PALM2AKAP2: variants seen among roughly 807,000 people sequenced by gnomAD.
PALM2AKAP2 encodes PALM2-AKAP2 fusion protein.
PALM2AKAP2 carries 37 observed loss-of-function variants against 71.5 expected under a neutral mutation model. The observed-to-expected ratio is 0.52, with a 90% CI of 0.40 to 0.68. The LOEUF (loss-of-function observed/expected upper bound fraction) is 0.68, where lower values mean the gene tolerates loss of function less well. Ranked by LOEUF, PALM2AKAP2 falls within the 30% of genes least tolerant of loss-of-function variation. The pLI, the probability that PALM2AKAP2 is intolerant of heterozygous loss-of-function variation, is 0.00. For synonymous variants in PALM2AKAP2, 468 were observed against 478.8 expected, an observed-to-expected ratio of 0.98 and a Z score of 0.29; for missense variants, 1,224 against 1,191.8, an observed-to-expected ratio of 1.03 and a Z score of -0.40.
intron 1 of PALM2AKAP2, among the ~76,000 whole-genome samples, chr9:110,093,689 C>G (rs1564300964): frequency 6.6e-6 from 1 of 152,126 alleles, no homozygotes; most frequent in Non-Finnish European, 1.5e-5. Flanking sequence ...GCTCATCTCC[C>G]CTGCTGCTGC....
intron 1 of PALM2AKAP2, among the ~76,000 whole-genome samples, chr9:109,671,769 T>C (rs1397822772): frequency 6.6e-6 from 1 of 152,208 alleles, no homozygotes; most frequent in Non-Finnish European, 1.5e-5. Flanking sequence ...TCTGATTTCT[T>C]TGAGCAGTGT....
At chr9:109,757,701 C>G (rs2149001) in intron 1 of PALM2AKAP2, among the ~76,000 whole-genome samples, 123,391 of 151,838 alleles carry the variant, frequency 0.81, 50,225 homozygotes, top group Middle Eastern at 0.9. Flanking sequence ...AGGTCTTCGA[C>G]AGCTTACTAG....
At chr9:110,149,679 C>T (rs1015621355) in intron 2 of PALM2AKAP2, among the ~76,000 whole-genome samples, 1 of 152,164 alleles carries the variant, frequency 6.6e-6, no homozygotes, top group African/African-American at 2.4e-5. Flanking sequence ...TAGCCAGGCA[C>T]AGTGGCTCAT....
intron 1 of PALM2AKAP2, among the ~76,000 whole-genome samples, chr9:109,656,155 A>G (rs913851456): frequency 1.3e-5 from 2 of 152,188 alleles, no homozygotes; most frequent in African/African-American, 4.8e-5. Flanking sequence ...GGTATGGGCA[A>G]CCTCATGTAA....
At chr9:110,024,505 T>A (rs1833137184) in intron 7 of PALM2AKAP2, among the ~76,000 whole-genome samples, 2 of 152,198 alleles carry the variant, frequency 1.3e-5, no homozygotes, top group African/African-American at 4.8e-5. Flanking sequence ...TATGCCAGGC[T>A]GGGCATGGTG....
chr9:109,905,127 G>T (rs1233209088), intron 3 of PALM2AKAP2, among the ~76,000 whole-genome samples: 5 of 152,212 alleles, frequency 3.3e-5, no homozygotes, highest in African/African-American at 7.2e-5. Flanking sequence ...TTGTAAAATA[G>T]AATTAGGGCT....
At chr9:109,826,676 G>A (rs1421242118) in intron 1 of PALM2AKAP2, among the ~76,000 whole-genome samples, 2 of 152,176 alleles carry the variant, frequency 1.3e-5, no homozygotes, top group East Asian at 3.8e-4. Flanking sequence ...AGCAAAGGGG[G>A]AATGAGGAGA....
intron 1 of PALM2AKAP2, among the ~76,000 whole-genome samples, chr9:110,090,693 T>G (rs972416341): frequency 2.6e-5 from 4 of 152,202 alleles, no homozygotes; most frequent in Non-Finnish European, 5.9e-5. Context: ...CTGATCTGCT[T>G]CAAGTTCTAA....
chr9:110,048,507 T>G, upstream of PALM2AKAP2: 1 of 564,346 alleles, frequency 1.8e-6, no homozygotes, highest in South Asian at 2.2e-5. Context: ...TTTCTTCGTT[T>G]GTGCATCGAT....
rs1472268250 is a variant in PALM2AKAP2, at chr9:109,962,057, G to A, written c.496+30029G>A. ...GGAGAGAGGAGCATGACTTGAAGTC[G>A]TTTGCAAATGTATGTTCATCCAACA... On this transcript the variant is annotated intron_variant, in intron 6 of 9. Coordinates refer to the PALM2AKAP2 transcript ENST00000302798. Among the ~76,000 whole-genome samples the A allele has an allele frequency of 5.9e-5, 9 of 152,178 alleles. No individual in the cohort carries two copies. In the South Asian group the frequency reaches 1.2e-3, roughly 21 times the overall value.
At chr9:109,994,531 C>T (rs577913599) in intron 6 of PALM2AKAP2, among the ~76,000 whole-genome samples, 3 of 152,138 alleles carry the variant, frequency 2.0e-5, no homozygotes, top group Non-Finnish European at 4.4e-5. Context: ...GCACATTTAG[C>T]CCCACAGCAG....
chr9:109,699,839 G>T (rs1828027149), intron 1 of PALM2AKAP2, among the ~76,000 whole-genome samples: 1 of 150,370 alleles, frequency 6.7e-6, no homozygotes, highest in East Asian at 2.0e-4. Flanking sequence ...CAGTGGGCAT[G>T]ATCTCGGCTC....
In PALM2AKAP2 at chr9:109,961,853, A is replaced by G. The variant is rs533743369; in HGVS notation, c.496+29825A>G. On this transcript the variant is annotated intron_variant, in intron 6 of 9. Transcript: ENST00000302798. ...TTCTTCACCATTTTTGATCAGTTTC[A>G]TATTCCTGTGGGTACTAATGAAAAG... is the stretch of plus-strand genomic sequence containing the variant. Among the ~76,000 whole-genome samples the G allele has an allele frequency of 2.6e-5, 4 of 152,282 alleles. No homozygotes were observed. The East Asian group carries it at 7.7e-4, about 29-fold the overall frequency.
exon 3 of PALM2AKAP2, chr9:109,880,642 A>T (rs192386772): frequency 3.1e-6 from 5 of 1,613,976 alleles, no homozygotes; most frequent in Non-Finnish European, 3.4e-6. Context: ...TCTGAAGAGG[A>T]TGAGTTCAGA....
chr9:109,872,399 C>G (rs1829622017), intron 2 of PALM2AKAP2, among the ~76,000 whole-genome samples: 1 of 152,042 alleles, frequency 6.6e-6, no homozygotes, highest in African/African-American at 2.4e-5. Context: ...TTCAAAGTCC[C>G]AGCACAGAGT....
At chr9:109,777,817 T>C (rs1253615466), upstream of PALM2AKAP2, among the ~76,000 whole-genome samples, 1 of 152,236 alleles carries the variant, frequency 6.6e-6, no homozygotes, top group East Asian at 1.9e-4. Flanking sequence ...CGGATGATAC[T>C]TTATCAGTCT....
chr9:109,734,396 T>C (rs543800626), intron 1 of PALM2AKAP2, among the ~76,000 whole-genome samples: 44 of 152,206 alleles, frequency 2.9e-4, no homozygotes, highest in Non-Finnish European at 5.6e-4. Context: ...AGATAGCCAA[T>C]AGGCACATTT....
intron 3 of PALM2AKAP2, among the ~76,000 whole-genome samples, chr9:109,882,235 A>G (rs1829870086): frequency 6.6e-6 from 1 of 152,160 alleles, no homozygotes; most frequent in South Asian, 2.1e-4. Context: ...GCCATTTATA[A>G]CCAACAGCAA....
intron 3 of PALM2AKAP2, among the ~76,000 whole-genome samples, chr9:109,918,760 T>C (rs534732055): frequency 2.2e-4 from 34 of 152,378 alleles, no homozygotes; most frequent in African/African-American, 7.2e-4. Flanking sequence ...CCTCAGAGCC[T>C]GGCCCAAGGC....
Sources: allele counts gnomAD v4.1 joint callset (sites outside exome capture counted in the v4.1 genomes callset), GRCh38; gene constraint gnomAD v4.1.1; transcripts MANE v1.5; gene names NCBI Gene and HGNC (gene_info 2026-07-23, HGNC 2026-07-21).